The following RIMS2 variants were observed in gnomAD, a reference collection of about 807,000 sequenced individuals.
RIMS2 encodes the protein regulating synaptic membrane exocytosis 2.
Under a neutral mutation model 174.4 loss-of-function variants are expected in RIMS2, and 59 were observed. The observed-to-expected ratio is 0.34, with a 90% CI of 0.27 to 0.42. The LOEUF is 0.42. RIMS2 is among the 10% of genes least tolerant of loss of function. The pLI is 1.00. For synonymous variants in RIMS2, 606 were observed against 572.5 expected, an observed-to-expected ratio of 1.06 and a Z score of -0.84; for missense variants, 1,620 against 1,666.3, an observed-to-expected ratio of 0.97 and a Z score of 0.48.
At chr8:103,999,740 A>AGAT (rs2095303279) in intron 17 of RIMS2, among the ~76,000 whole-genome samples, 1 of 151,742 alleles carries the variant, frequency 6.6e-6, no homozygotes, top group Non-Finnish European at 1.5e-5. Flanking sequence ...AGTTATCAAC[A>AGAT]GATAGGTTAT....
intron 15 of RIMS2, among the ~76,000 whole-genome samples, chr8:103,971,020 T>C (rs1312884354): frequency 2.0e-5 from 3 of 151,892 alleles, no homozygotes; most frequent in African/African-American, 7.3e-5. Flanking sequence ...CATGGAGTTT[T>C]CCCCCCCATA....
intron 1 of RIMS2, chr8:103,568,663 C>T (rs915170907): frequency 7.6e-6 from 5 of 653,850 alleles, no homozygotes; most frequent in African/African-American, 7.3e-5. Context: ...AGAAGCATTT[C>T]CCTAGATAAA....
rs143359895 is a variant in RIMS2 at position 103,814,999 on chromosome 8, T to C, written c.698+48462T>C. Among the ~76,000 whole-genome samples, 551 of 152,314 alleles carry C rather than the reference T, an allele frequency of 3.6e-3. 4 individuals carry two copies. Among genetic ancestry groups the C allele is most frequent in the African/African-American group, 0.012 (517 of 41,572 alleles). Reference sequence around the variant, plus strand: ...CAACATTATACTTAATATGTGATGGTTAAAGATTGTTATAATTTTAGAGTT... The same window carrying C: ...CAACATTATACTTAATATGTGATGGCTAAAGATTGTTATAATTTTAGAGTT... On this transcript the variant is annotated intron_variant, in intron 3 of 23. Coordinates refer to ENST00000504942, the Ensembl canonical transcript of RIMS2.
chr8:104,244,790 C>T (rs771683155), intron 19 of RIMS2, 126 bp from the exon 26 acceptor site: 2 of 691,448 alleles, frequency 2.9e-6, no homozygotes, highest in Non-Finnish European at 5.0e-6. Flanking sequence ...TTTCTTTCTG[C>T]CTCCTTAACA....
chr8:104,068,595 C>A (rs762609327), intron 19 of RIMS2: 11 of 1,546,158 alleles, frequency 7.1e-6, no homozygotes, highest in African/African-American at 5.4e-5. Flanking sequence ...CAGACTGGAA[C>A]AAGATTACCA....
intron 5 of RIMS2, 30 bp from the exon 8 acceptor site, chr8:103,910,290 TC>T (rs1283414240): frequency 7.4e-7 from 1 of 1,355,138 alleles, no homozygotes; most frequent in Non-Finnish European, 1.0e-6. Flanking sequence ...CTTTTTTGTA[TC>T]TTTTTTTTTT....
intron 1 of RIMS2, among the ~76,000 whole-genome samples, chr8:103,673,635 C>G (rs1183643541): frequency 1.3e-5 from 2 of 152,196 alleles, no homozygotes; most frequent in Non-Finnish European, 2.9e-5. Context: ...TGAGGTGGCA[C>G]AGGGTAGTGG....
At chr8:103,638,252 A>T (rs1011691729) in intron 1 of RIMS2, among the ~76,000 whole-genome samples, 1 of 152,092 alleles carries the variant, frequency 6.6e-6, no homozygotes, top group African/African-American at 2.4e-5. Flanking sequence ...CATCAAAACC[A>T]CAGTAATTAA....
chr8:103,890,623 C>T (rs1316395696), intron 4 of RIMS2, among the ~76,000 whole-genome samples: 4 of 151,924 alleles, frequency 2.6e-5, no homozygotes, highest in Non-Finnish European at 4.4e-5. Flanking sequence ...CTAAATTGAT[C>T]GCTTTCCCAT....
chr8:103,510,728 T>G (rs573698422), intron 1 of RIMS2, among the ~76,000 whole-genome samples: 1 of 152,234 alleles, frequency 6.6e-6, no homozygotes, highest in South Asian at 2.1e-4. Flanking sequence ...CTAGGAAAGA[T>G]TTTTTCTCTT....
intron 19 of RIMS2, among the ~76,000 whole-genome samples, chr8:104,234,072 CTG>C (rs906360995): frequency 2.6e-5 from 4 of 152,130 alleles, no homozygotes; most frequent in African/African-American, 9.7e-5. Context: ...GTTTCCAAAA[CTG>C]TGCAGATTAT....
chr8:104,133,803 G>A (rs1452951328), intron 19 of RIMS2, among the ~76,000 whole-genome samples: 1 of 152,086 alleles, frequency 6.6e-6, no homozygotes, highest in East Asian at 1.9e-4. Context: ...GAAATCAAGG[G>A]TGCCTCTGGA....
chr8:103,510,774 A>G (rs1043498177), intron 1 of RIMS2, among the ~76,000 whole-genome samples: 1 of 152,072 alleles, frequency 6.6e-6, no homozygotes, highest in Non-Finnish European at 1.5e-5. Flanking sequence ...ATTCACCCAG[A>G]TATTCCGGAA....
At chr8:103,824,181 AAAG>A (rs1018887468) in intron 3 of RIMS2, among the ~76,000 whole-genome samples, 3 of 152,100 alleles carry the variant, frequency 2.0e-5, no homozygotes, top group African/African-American at 7.2e-5. Context: ...TTCTTTATTG[AAAG>A]AAGTTTTATA....
At chr8:103,964,144 G>C (rs2154546096) in intron 15 of RIMS2, among the ~76,000 whole-genome samples, 1 of 152,314 alleles carries the variant, frequency 6.6e-6, no homozygotes, top group African/African-American at 2.4e-5. Context: ...TCTGTGTGCA[G>C]GTTTTTGTGT....
At chr8:103,890,318 C>T (rs777829437) in intron 4 of RIMS2, among the ~76,000 whole-genome samples, 11 of 151,978 alleles carry the variant, frequency 7.2e-5, no homozygotes, top group Non-Finnish European at 1.6e-4. Flanking sequence ...TTCAGTGTCT[C>T]ACTGAATACT....
intron 3 of RIMS2, chr8:103,768,931 A>T: frequency 2.3e-6 from 1 of 441,348 alleles, no homozygotes; most frequent in South Asian, 2.1e-5. Context: ...CAAGAGAATG[A>T]AGGAGGCTAA....
chr8:104,178,102 C>T lies in RIMS2; in HGVS notation c.3335-66814C>T, dbSNP rs561919578. On this transcript the variant is annotated intron_variant, in intron 19 of 23. Coordinates refer to ENST00000504942, the Ensembl canonical transcript of RIMS2. ...ATGCAAATTTATTATTTCATACTTTCTTAGATCAGAAAGAAGTTCAGACAC... is the reference window on the plus strand; with the variant it reads ...ATGCAAATTTATTATTTCATACTTTTTTAGATCAGAAAGAAGTTCAGACAC... 7.2e-5 allele frequency among the ~76,000 whole-genome samples: 11 copies of T among 152,266 alleles called. No homozygotes were observed. In the East Asian group the frequency reaches 1.9e-3, roughly 27 times the overall value.
At chr8:103,583,196 C>G (rs2093712405) in intron 1 of RIMS2, among the ~76,000 whole-genome samples, 1 of 152,204 alleles carries the variant, frequency 6.6e-6, no homozygotes, top group Non-Finnish European at 1.5e-5. Context: ...GGTGGTACCT[C>G]TATGAGTTTG....
Sources: allele counts gnomAD v4.1 joint callset (sites outside exome capture counted in the v4.1 genomes callset), GRCh38; gene constraint gnomAD v4.1.1; transcripts MANE v1.5; gene names NCBI Gene and HGNC (gene_info 2026-07-23, HGNC 2026-07-21).